PTPRD: variants seen among roughly 807,000 people sequenced by gnomAD.
PTPRD encodes the protein receptor-type tyrosine-protein phosphatase delta.
PTPRD carries 34 observed loss-of-function variants against 214.5 expected under a neutral mutation model. That is an observed-to-expected ratio of 0.16 (90% CI 0.12 to 0.21). PTPRD has a LOEUF of 0.21. PTPRD is among the 10% of genes least tolerant of loss of function. PTPRD has a pLI of 1.00. For missense variants in PTPRD, 2,545 were observed against 2,398.7 expected, an observed-to-expected ratio of 1.06 and a Z score of -1.27; for synonymous variants, 1,128 against 845.7, an observed-to-expected ratio of 1.33 and a Z score of -5.79.
At chr9:9,170,238 T>C (rs1372073665) in intron 10 of PTPRD, among the ~76,000 whole-genome samples, 1 of 152,208 alleles carries the variant, frequency 6.6e-6, no homozygotes, top group Non-Finnish European at 1.5e-5. Flanking sequence ...CTAAGCTGAA[T>C]TATTTTTCTG....
At chr9:9,770,870 T>C (rs1265037884) in intron 5 of PTPRD, among the ~76,000 whole-genome samples, 2 of 152,136 alleles carry the variant, frequency 1.3e-5, no homozygotes, top group African/African-American at 4.8e-5. Context: ...TTGTTTTTGT[T>C]GCTGTTATTT....
chr9:10,092,671 C>T (rs1228569810), intron 3 of PTPRD, among the ~76,000 whole-genome samples: 1 of 151,250 alleles, frequency 6.6e-6, no homozygotes, highest in Non-Finnish European at 1.5e-5. Flanking sequence ...AAAGAACAAA[C>T]CCGAGGCATC....
In PTPRD at chr9:9,358,103, C is replaced by T. The variant is rs193160978; in HGVS notation, c.-203+39346G>A. 2.4e-3 allele frequency among the ~76,000 whole-genome samples: 368 copies of T among 151,308 alleles called. 6 individuals are homozygous for T. Among genetic ancestry groups the T allele is most frequent in the Non-Finnish European group, 5.0e-4 (34 of 67,454 alleles). On this transcript the variant is annotated intron_variant, in intron 9 of 45. Transcript: ENST00000381196. ...AATTAAATCACATTTCTGACCACAA[C>T]TACTGGAAAATCTTTTGTTTGAAGA...
intron 7 of PTPRD, among the ~76,000 whole-genome samples, chr9:9,596,604 C>G (rs2093369747): frequency 6.6e-6 from 1 of 151,864 alleles, no homozygotes; most frequent in Non-Finnish European, 1.5e-5. Context: ...TGCTAGTCTC[C>G]TTTCAAATGA....
At chr9:10,140,196 C>A (rs1339167106) in intron 3 of PTPRD, among the ~76,000 whole-genome samples, 1 of 151,548 alleles carries the variant, frequency 6.6e-6, no homozygotes, top group Admixed American at 6.6e-5. Context: ...CTATAAACCC[C>A]AATATCCAGA....
rs1006050356 is a variant in PTPRD at position 9,541,030 on chromosome 9, C to T, written c.-237+33702G>A. On this transcript the variant is annotated intron_variant, in intron 8 of 45. Coordinates refer to ENST00000381196, the MANE Select transcript of PTPRD (RefSeq NM_002839.4). The stretch of plus-strand genomic sequence containing the variant: ...AGGACTAAATAGAAAACAAATACCT[C>T]GTTCTAGGAGCAACTATATCTGTAG... Among the ~76,000 whole-genome samples the T allele has an allele frequency of 3.3e-5, 5 of 151,736 alleles. No individual in the cohort carries two copies. In the East Asian group the frequency reaches 5.8e-4, roughly 18 times the overall value.
Position 10,081,912 on chromosome 9 carries a change from T to C in PTPRD, c.-544-48122A>G, listed in dbSNP as rs577984955. ...ACCTCTCATCTGATCATTTACAGCA[T>C]AATACAGTCATAACCAGTGTTTTGT... On this transcript the variant is annotated intron_variant, in intron 3 of 45. Transcript: ENST00000381196. Among the ~76,000 whole-genome samples, 10 of 152,184 alleles carry C rather than the reference T, an allele frequency of 6.6e-5. No individual in the cohort carries two copies. In the East Asian group the frequency reaches 9.7e-4, roughly 15 times the overall value.
chr9:9,676,362 G>T lies in PTPRD; in HGVS notation c.-287+58171C>A, dbSNP rs1252872954. Among the ~76,000 whole-genome samples, 63 of 147,936 alleles carry T rather than the reference G, an allele frequency of 4.3e-4. 1 individual carries two copies. The highest frequency in any genetic ancestry group is 1.3e-3 in the African/African-American group (52 of 39,958). On this transcript the variant is annotated intron_variant, in intron 7 of 45. Transcript: ENST00000381196. ...TCATTGTTCAATTCCCACCTATGAG[G>T]GAGAACATGCGGTGTTTGGTTTTTT...
intron 11 of PTPRD, among the ~76,000 whole-genome samples, chr9:8,925,851 T>C (rs188152128): frequency 3.1e-5 from 4 of 127,536 alleles, no homozygotes; most frequent in Admixed American, 9.0e-5. Flanking sequence ...AGCTGGACTA[T>C]TGCAATATTT....
At chr9:10,105,083 A>C (rs962325537) in intron 3 of PTPRD, among the ~76,000 whole-genome samples, 1 of 151,830 alleles carries the variant, frequency 6.6e-6, no homozygotes, top group Admixed American at 6.6e-5. Context: ...CCTTTGTCTC[A>C]TTCTCCATAA....
At chr9:9,056,966 T>C (rs2099697395) in intron 10 of PTPRD, among the ~76,000 whole-genome samples, 1 of 152,234 alleles carries the variant, frequency 6.6e-6, no homozygotes, top group African/African-American at 2.4e-5. Flanking sequence ...AGGAACTTGA[T>C]GATCTTGCTA....
At chr9:9,920,291 CTTGTTTACATAGGCTGTGCTATA>C (rs2082197953) in intron 5 of PTPRD, among the ~76,000 whole-genome samples, 1 of 152,068 alleles carries the variant, frequency 6.6e-6, no homozygotes, top group Non-Finnish European at 1.5e-5. Flanking sequence ...GATTTGTCTT[CTTGTTTACATAGGCTGTGCTATA>C]GCCATTTAAA....
At chr9:9,368,213 C>T (rs2058422156) in intron 9 of PTPRD, among the ~76,000 whole-genome samples, 1 of 151,652 alleles carries the variant, frequency 6.6e-6, no homozygotes, top group Non-Finnish European at 1.5e-5. Context: ...ACCAAGTGAC[C>T]CTAGTAAATT....
At chr9:8,505,286 C>CTT (rs1042729744) in intron 22 of PTPRD, among the ~76,000 whole-genome samples, 1 of 152,094 alleles carries the variant, frequency 6.6e-6, no homozygotes, top group Admixed American at 6.5e-5. Flanking sequence ...AATCTTAACA[C>CTT]TTTATCAAAT....
chr9:9,437,958 C>T (rs145487371), intron 8 of PTPRD, among the ~76,000 whole-genome samples: 4 of 152,230 alleles, frequency 2.6e-5, no homozygotes, highest in African/African-American at 4.8e-5. Context: ...TTTGAAATTG[C>T]GGTGTCTGCA....
chr9:8,341,023 T>C, intron 41 of PTPRD, 67 bp downstream of exon 41: 1 of 1,407,486 alleles, frequency 7.1e-7, no homozygotes, highest in South Asian at 1.6e-5. Context: ...AAATTTATTC[T>C]GGTTATTAAA....
chr9:9,323,564 T>C (rs192701480), intron 9 of PTPRD, among the ~76,000 whole-genome samples: 46 of 152,254 alleles, frequency 3.0e-4, no homozygotes, highest in Non-Finnish European at 1.0e-4. Context: ...ATTGAATGAG[T>C]ATCTGATACC....
At chr9:9,231,395 G>A (rs956295903) in intron 9 of PTPRD, among the ~76,000 whole-genome samples, 3 of 152,112 alleles carry the variant, frequency 2.0e-5, no homozygotes, top group African/African-American at 7.2e-5. Flanking sequence ...GTAGATTTCA[G>A]ATATAATCAG....
At chr9:9,788,921 C>T (rs2098946983) in intron 5 of PTPRD, among the ~76,000 whole-genome samples, 1 of 152,160 alleles carries the variant, frequency 6.6e-6, no homozygotes, top group Non-Finnish European at 1.5e-5. Flanking sequence ...GAACCCTCTG[C>T]TTTAGTTATC....
Sources: allele counts gnomAD v4.1 joint callset (sites outside exome capture counted in the v4.1 genomes callset), GRCh38; gene constraint gnomAD v4.1.1; transcripts MANE v1.5; gene names NCBI Gene and HGNC (gene_info 2026-07-23, HGNC 2026-07-21).